CTNNA2: variants seen among roughly 807,000 people sequenced by gnomAD.
CTNNA2 encodes the protein catenin alpha 2, also known as catenin alpha-2.
CTNNA2 carries 42 observed loss-of-function variants against 101.0 expected under a neutral mutation model. That is an observed-to-expected ratio of 0.42 (90% CI 0.32 to 0.54). The LOEUF (loss-of-function observed/expected upper bound fraction) is 0.54, where lower values mean the gene tolerates loss of function less well. CTNNA2 is among the 20% of genes least tolerant of loss of function. CTNNA2 has a pLI of 0.14. For synonymous variants in CTNNA2, 450 were observed against 456.4 expected (o/e 0.99, Z 0.18); for missense variants, 871 against 1,223.1 (o/e 0.71, Z 4.29).
chr2:79,621,158 C>T (rs1257750537), intron 1 of CTNNA2, among the ~76,000 whole-genome samples: 1 of 152,112 alleles, frequency 6.6e-6, no homozygotes, highest in Non-Finnish European at 1.5e-5. Context: ...AGTTTCACCC[C>T]ATTTTCGTAA....
intron 9 of CTNNA2, among the ~76,000 whole-genome samples, chr2:80,499,977 G>C (rs892948962): frequency 2.7e-5 from 4 of 149,410 alleles, no homozygotes; most frequent in African/African-American, 9.8e-5. Flanking sequence ...TTCAGCTTTA[G>C]ATTGTTAAAA....
At chr2:79,585,870 G>A (rs1351496197) in intron 1 of CTNNA2, among the ~76,000 whole-genome samples, 1 of 152,030 alleles carries the variant, frequency 6.6e-6, no homozygotes, top group African/African-American at 2.4e-5. Context: ...GCTGTTTCCG[G>A]GGTGTGAGCT....
intron 4 of CTNNA2, among the ~76,000 whole-genome samples, chr2:79,430,930 GT>G (rs1368717346): frequency 6.6e-6 from 1 of 152,070 alleles, no homozygotes; most frequent in African/African-American, 2.4e-5. Flanking sequence ...AATTAAAATT[GT>G]TGTATTTTAT....
chr2:79,186,788 A>G (rs1360989134), intron 1 of CTNNA2, among the ~76,000 whole-genome samples: 1 of 152,210 alleles, frequency 6.6e-6, no homozygotes, highest in Non-Finnish European at 1.5e-5. Context: ...CAGTCTGACC[A>G]TCAGAGAGAC....
At chr2:80,142,908 C>A (rs1242366501) in intron 7 of CTNNA2, among the ~76,000 whole-genome samples, 2 of 149,050 alleles carry the variant, frequency 1.3e-5, no homozygotes, top group African/African-American at 5.1e-5. Context: ...AGATTAACTA[C>A]CGTTGACAAT....
intron 7 of CTNNA2, among the ~76,000 whole-genome samples, chr2:80,356,668 T>TG: frequency 1.3e-5 from 2 of 152,098 alleles, no homozygotes; most frequent in African/African-American, 2.4e-5. Flanking sequence ...AACTAAAATG[T>TG]GCCTGGCCAT....
At chr2:80,124,954 C>A (rs564816234) in intron 7 of CTNNA2, among the ~76,000 whole-genome samples, 1 of 152,218 alleles carries the variant, frequency 6.6e-6, no homozygotes, top group African/African-American at 2.4e-5. Flanking sequence ...GGGGCCAAGG[C>A]AGAGGGGAAG....
chr2:79,783,455 T>A (rs1222893450), intron 3 of CTNNA2, among the ~76,000 whole-genome samples: 1 of 152,188 alleles, frequency 6.6e-6, no homozygotes, highest in Non-Finnish European at 1.5e-5. Context: ...TGTAAACTTA[T>A]TTCTCTCTTC....
intron 2 of CTNNA2, among the ~76,000 whole-genome samples, chr2:79,225,255 T>C (rs967994667): frequency 2.6e-5 from 4 of 152,174 alleles, no homozygotes; most frequent in Non-Finnish European, 5.9e-5. Context: ...GCACTGACAA[T>C]ATGTTCTAGT....
chr2:79,871,727 C>T (rs1468253330), intron 5 of CTNNA2, among the ~76,000 whole-genome samples: 1 of 152,182 alleles, frequency 6.6e-6, no homozygotes, highest in Non-Finnish European at 1.5e-5. Context: ...CTAGATACCC[C>T]TCAATCCAGT....
chr2:79,888,620 A>G (rs1433748578), intron 6 of CTNNA2, among the ~76,000 whole-genome samples: 1 of 152,162 alleles, frequency 6.6e-6, no homozygotes, highest in Non-Finnish European at 1.5e-5. Flanking sequence ...TGCAATTTAT[A>G]TCTTGATTTT....
At chr2:79,910,987 A>T (rs1574290325) in intron 7 of CTNNA2, among the ~76,000 whole-genome samples, 2 of 152,206 alleles carry the variant, frequency 1.3e-5, no homozygotes, top group South Asian at 4.1e-4. Context: ...GAACCTTCAG[A>T]TTCTTTGATT....
intron 9 of CTNNA2, among the ~76,000 whole-genome samples, chr2:80,507,917 T>C (rs760674344): frequency 6.6e-6 from 1 of 152,158 alleles, no homozygotes; most frequent in Non-Finnish European, 1.5e-5. Context: ...CATTGAGTCC[T>C]GTGTAGGGAC....
chr2:79,787,095 C>G (rs759985209), intron 3 of CTNNA2, among the ~76,000 whole-genome samples: 33 of 152,058 alleles, frequency 2.2e-4, no homozygotes, highest in Admixed American at 5.9e-4. Flanking sequence ...AGAATTGTGT[C>G]CAAAACCAGT....
chr2:80,278,621 G>A (rs1674112966), intron 7 of CTNNA2, among the ~76,000 whole-genome samples: 1 of 152,104 alleles, frequency 6.6e-6, no homozygotes. Flanking sequence ...TCCTATTGGT[G>A]AAAGAAAGTC....
intron 9 of CTNNA2, among the ~76,000 whole-genome samples, chr2:80,421,761 G>A (rs1680542618): frequency 6.7e-6 from 1 of 148,310 alleles, no homozygotes; most frequent in African/African-American, 2.5e-5. Context: ...TGGCCTCTGT[G>A]TGACTAGGGA....
intron 2 of CTNNA2, among the ~76,000 whole-genome samples, chr2:79,227,268 C>T (rs1023387772): frequency 4.6e-5 from 7 of 152,052 alleles, no homozygotes; most frequent in Non-Finnish European, 7.4e-5. Context: ...CATGGGTCAA[C>T]GTATGCAATG....
chr2:79,480,990 G>A (rs970655921), intron 4 of CTNNA2, among the ~76,000 whole-genome samples: 1 of 150,880 alleles, frequency 6.6e-6, no homozygotes, highest in Non-Finnish European at 1.5e-5. Flanking sequence ...CCTTAGTAGG[G>A]TTTTTTTTAA....
intron 7 of CTNNA2, among the ~76,000 whole-genome samples, chr2:80,243,406 G>A (rs2597322): frequency 0.44 from 66,381 of 151,688 alleles, 15,551 homozygotes; most frequent in Non-Finnish European, 0.54. Context: ...ATATTTCCTT[G>A]GGCTATTTGC....
Sources: gnomAD v4.1 joint callset for allele counts (sites outside exome capture counted in the v4.1 genomes callset) on GRCh38, gnomAD v4.1.1 for gene constraint, MANE v1.5 for transcripts, NCBI Gene and HGNC (gene_info 2026-07-23, HGNC 2026-07-21) for gene names.